Variants in GMDS observed in about 807,000 individuals in gnomAD.
GMDS encodes the protein GDP-mannose 4,6-dehydratase, also known as GDP-mannose 4,6 dehydratase.
In GMDS, 20 loss-of-function variants were observed where a neutral mutation model predicts 49.9. The observed-to-expected ratio is 0.40, with a 90% CI of 0.28 to 0.58. The LOEUF (loss-of-function observed/expected upper bound fraction) is 0.58. GMDS is among the 20% of genes least tolerant of loss of function. GMDS has a pLI of 0.42. For synonymous variants in GMDS, 177 were observed against 178.6 expected, an observed-to-expected ratio of 0.99 and a Z score of 0.07; for missense variants, 362 against 481.4, an observed-to-expected ratio of 0.75 and a Z score of 2.32.
At chr6:2,228,885 C>T (rs1040988391) in intron 1 of GMDS, among the ~76,000 whole-genome samples, 7 of 152,084 alleles carry the variant, frequency 4.6e-5, no homozygotes, top group South Asian at 2.1e-4. Flanking sequence ...AGGCTCCAGT[C>T]GACAATGGGG....
At chr6:2,077,913 G>T (rs76428142) in intron 4 of GMDS, among the ~76,000 whole-genome samples, 3,781 of 152,032 alleles carry the variant, frequency 0.025, 149 homozygotes, top group African/African-American at 0.085. Context: ...TCTGCTCCTA[G>T]CCCTTTCTTT....
chr6:1,776,626 G>A (rs1283475048), intron 7 of GMDS, among the ~76,000 whole-genome samples: 1 of 152,150 alleles, frequency 6.6e-6, no homozygotes, highest in Non-Finnish European at 1.5e-5. Flanking sequence ...GCTGCAGTGA[G>A]CTATGATTGC....
At chr6:1,687,483 C>T (rs6918326) in intron 9 of GMDS, among the ~76,000 whole-genome samples, 2,098 of 152,306 alleles carry the variant, frequency 0.014, 40 homozygotes, top group African/African-American at 0.047. Flanking sequence ...GAACGCTTCC[C>T]ATTGGATTCC....
chr6:2,223,119 C>A (rs1183432498), intron 1 of GMDS, among the ~76,000 whole-genome samples: 6 of 151,596 alleles, frequency 4.0e-5, no homozygotes, highest in Non-Finnish European at 8.8e-5. Flanking sequence ...ATCAATCAAT[C>A]AATCAATCAA....
At chr6:1,750,789 C>T (rs1458477667) in intron 7 of GMDS, among the ~76,000 whole-genome samples, 2 of 152,162 alleles carry the variant, frequency 1.3e-5, no homozygotes, top group African/African-American at 4.8e-5. Flanking sequence ...GCAGATCCCA[C>T]CCCCATGGTG....
intron 1 of GMDS, among the ~76,000 whole-genome samples, chr6:2,192,129 C>A (rs761833953): frequency 1.3e-5 from 2 of 152,102 alleles, no homozygotes; most frequent in African/African-American, 2.4e-5. Flanking sequence ...GAGAAGCCAC[C>A]CACTCTAGGG....
At chr6:2,026,750 G>A (rs968342873) in intron 4 of GMDS, among the ~76,000 whole-genome samples, 1 of 152,200 alleles carries the variant, frequency 6.6e-6, no homozygotes, top group Admixed American at 6.5e-5. Context: ...CCCAGTGTCT[G>A]TGGATGAGGC....
intron 7 of GMDS, among the ~76,000 whole-genome samples, chr6:1,910,874 T>C (rs760018694): frequency 7.2e-5 from 11 of 152,208 alleles, no homozygotes; most frequent in Non-Finnish European, 1.3e-4. Flanking sequence ...GAGTTAAGCA[T>C]TGACTTTTTA....
intron 6 of GMDS, among the ~76,000 whole-genome samples, chr6:1,940,871 G>A (rs1242975566): frequency 6.6e-6 from 1 of 152,210 alleles, no homozygotes; most frequent in Non-Finnish European, 1.5e-5. Flanking sequence ...GGAGGAATAA[G>A]TCCTTTTTAT....
At chr6:2,188,851 A>G (rs1778892565) in intron 1 of GMDS, among the ~76,000 whole-genome samples, 1 of 152,208 alleles carries the variant, frequency 6.6e-6, no homozygotes, top group Non-Finnish European at 1.5e-5. Flanking sequence ...AGAGGCTGCC[A>G]TACCCAGAAA....
intron 4 of GMDS, among the ~76,000 whole-genome samples, chr6:2,106,879 A>C (rs549994449): frequency 6.6e-6 from 1 of 152,190 alleles, no homozygotes; most frequent in Admixed American, 6.5e-5. Flanking sequence ...AGAAAAAAAA[A>C]AGGAAAAGTT....
At position 1,624,191 on chromosome 6, in the gene GMDS, A is replaced by G; in HGVS notation, c.1097T>C (p.Met366Thr). Reference sequence around the variant, plus strand: ...TGCTCAGGCATTGGGGTTTGTCCTCATGAGCTCCACGTCGGCGTGCACCAT... The same window carrying G: ...TGCTCAGGCATTGGGGTTTGTCCTCGTGAGCTCCACGTCGGCGTGCACCAT... ...REMVHADVEL[M>T]RTNPNA Residue 366 changes from methionine (M) to threonine (T), a missense_variant, in exon 11 of 11, where the codon ATG becomes ACG. Coordinates refer to ENST00000380815, the MANE Select transcript of GMDS (RefSeq NM_001500.4). 1 of 1,610,596 alleles carries G rather than the reference A, an allele frequency of 6.2e-7. No individual in the cohort carries two copies. Among genetic ancestry groups the G allele is most frequent in the Non-Finnish European group, 8.5e-7 (1 of 1,179,778 alleles).
At chr6:1,874,831 A>G (rs951965590) in intron 7 of GMDS, among the ~76,000 whole-genome samples, 9 of 152,188 alleles carry the variant, frequency 5.9e-5, no homozygotes, top group African/African-American at 1.4e-4. Flanking sequence ...GATGACCAAA[A>G]AGTGTCTCGT....
chr6:2,200,901 G>A (rs1359009008), intron 1 of GMDS, among the ~76,000 whole-genome samples: 6 of 144,030 alleles, frequency 4.2e-5, no homozygotes, highest in South Asian at 4.7e-4. Context: ...ATGGGCATCC[G>A]AAATGTAACC....
chr6:1,969,527 T>C (rs551562801), intron 4 of GMDS, among the ~76,000 whole-genome samples: 3 of 152,058 alleles, frequency 2.0e-5, no homozygotes, highest in South Asian at 4.1e-4. Flanking sequence ...GAAGAATATA[T>C]GTAGGAATGT....
At chr6:1,959,737 C>T (rs1011195737) in intron 6 of GMDS, 130 bp downstream of exon 6, 2 of 438,008 alleles carry the variant, frequency 4.6e-6, no homozygotes, top group African/African-American at 4.1e-5. Context: ...ATTTGCTGCT[C>T]TGACATTCAT....
chr6:2,148,711 C>T lies in GMDS; in HGVS notation c.103-23980G>A, dbSNP rs905740611. Among the ~76,000 whole-genome samples, 71 of 152,314 alleles carry T rather than the reference C, an allele frequency of 4.7e-4. 1 individual carries two copies. The highest frequency in any genetic ancestry group is 1.5e-3 in the African/African-American group (61 of 41,564). ...CTGGGATTACAGGCATGAACCACCA[C>T]GTCCGGCCTGAAGTTAGTCTTGATG... On this transcript the variant is annotated intron_variant, in intron 1 of 10. Transcript: ENST00000380815.
chr6:1,656,468 T>A (rs1018134049), intron 9 of GMDS, among the ~76,000 whole-genome samples: 1 of 152,008 alleles, frequency 6.6e-6, no homozygotes, highest in Non-Finnish European at 1.5e-5. Flanking sequence ...AAAACACAAA[T>A]TCACATTTTC....
At chr6:1,904,764 G>A (rs1039343641) in intron 7 of GMDS, among the ~76,000 whole-genome samples, 3 of 152,130 alleles carry the variant, frequency 2.0e-5, no homozygotes, top group African/African-American at 4.8e-5. Flanking sequence ...ATGATGCCTC[G>A]CACATAGCCA....
Sources: gnomAD v4.1 joint callset for allele counts (sites outside exome capture counted in the v4.1 genomes callset) on GRCh38, gnomAD v4.1.1 for gene constraint, MANE v1.5 for transcripts, NCBI Gene and HGNC (gene_info 2026-07-23, HGNC 2026-07-21) for gene names.